The following RPS6KA2 variants were observed in gnomAD, a reference collection of about 807,000 sequenced individuals.
RPS6KA2 encodes the protein ribosomal protein S6 kinase alpha-2.
A neutral mutation model predicts 91.8 loss-of-function variants in RPS6KA2; 42 were observed. That is an observed-to-expected ratio of 0.46 (90% confidence interval 0.36 to 0.59). The LOEUF (loss-of-function observed/expected upper bound fraction) is 0.59. Ranked by LOEUF, RPS6KA2 falls within the 20% of genes least tolerant of loss-of-function variation. The probability of loss-of-function intolerance (pLI) is 0.00; values close to 1 mark genes in which losing one functional copy is unlikely to be tolerated. For synonymous variants in RPS6KA2, 414 were observed against 393.6 expected (o/e 1.05, Z -0.61); for missense variants, 798 against 978.5 (o/e 0.82, Z 2.46).
intron 1 of RPS6KA2, among the ~76,000 whole-genome samples, chr6:166,600,628 C>A (rs1785701243): frequency 1.3e-5 from 2 of 152,172 alleles, no homozygotes; most frequent in Non-Finnish European, 2.9e-5. Context: ...AGTCTAAAAA[C>A]TGGTTGCATA....
rs1786202121 is a variant in RPS6KA2 at position 166,612,113 on chromosome 6, A to T, written c.99+14808T>A. Among the ~76,000 whole-genome samples the T allele has an allele frequency of 6.6e-6, 1 of 151,590 alleles. No homozygotes were observed. The highest frequency in any genetic ancestry group is 2.1e-4 in the South Asian group (1 of 4,806). On this transcript the variant is annotated intron_variant, in intron 1 of 20. Transcript: ENST00000265678. The surrounding 1 kb of genome is among the most constrained non-coding windows in gnomAD (Gnocchi z 4.3). ...AGGCCTGTTTGTTCTTTTTCCTCTT[A>T]TTTTTCCTCCGTCGTCCAACATCAA... is the stretch of plus-strand genomic sequence containing the variant.
At chr6:166,813,663 T>C (rs955392749) in intron 2 of RPS6KA2, among the ~76,000 whole-genome samples, 3 of 152,160 alleles carry the variant, frequency 2.0e-5, no homozygotes, top group Admixed American at 6.5e-5. Flanking sequence ...GGACCCTTGG[T>C]GTATAGATGC....
At chr6:166,840,432 C>T (rs1212310180) in intron 2 of RPS6KA2, among the ~76,000 whole-genome samples, 1 of 152,196 alleles carries the variant, frequency 6.6e-6, no homozygotes, top group Non-Finnish European at 1.5e-5. Context: ...GAAAGTTTGC[C>T]TGGCACAGAC....
intron 2 of RPS6KA2, among the ~76,000 whole-genome samples, chr6:166,654,367 GA>G (rs201016364): frequency 0.011 from 1,602 of 152,302 alleles, 78 homozygotes; most frequent in Admixed American, 0.092. Context: ...CATCGAGCAT[GA>G]AAGGGCACGG....
intron 1 of RPS6KA2, among the ~76,000 whole-genome samples, chr6:166,860,085 G>T (rs1255216632): frequency 1.3e-5 from 2 of 152,046 alleles, no homozygotes; most frequent in African/African-American, 2.4e-5. Context: ...AAACTAGAGA[G>T]GAAATTCAGA....
chr6:166,832,401 A>G (rs1029444359), intron 2 of RPS6KA2, among the ~76,000 whole-genome samples: 1 of 152,310 alleles, frequency 6.6e-6, no homozygotes, highest in Non-Finnish European at 1.5e-5. Flanking sequence ...TCCAGTTTGA[A>G]TCTACTTCTG....
intron 1 of RPS6KA2, among the ~76,000 whole-genome samples, chr6:166,572,300 AGAAT>A (rs1784712980): frequency 6.6e-6 from 1 of 152,270 alleles, no homozygotes; most frequent in African/African-American, 2.4e-5. Flanking sequence ...ATTGAGAAGA[AGAAT>A]GAAACGATTT....
chr6:166,738,604 A>C (rs1790731496), intron 2 of RPS6KA2, among the ~76,000 whole-genome samples: 1 of 152,148 alleles, frequency 6.6e-6, no homozygotes, highest in South Asian at 2.1e-4. Context: ...AGGTTGACTC[A>C]TTTAACTGTC....
intron 2 of RPS6KA2, among the ~76,000 whole-genome samples, chr6:166,695,392 T>C (rs1729446696): frequency 6.6e-6 from 1 of 152,208 alleles, no homozygotes; most frequent in Non-Finnish European, 1.5e-5. Context: ...CACAGAGACG[T>C]ACATGGCCAG....
At chr6:166,862,237 C>A in exon 1 of RPS6KA2, 1 of 1,610,852 alleles carries the variant, frequency 6.2e-7, no homozygotes. Context: ...GAGGCTCGGA[C>A]CGGCACAGGG....
At chr6:166,597,673 T>C (rs1195374451) in intron 1 of RPS6KA2, among the ~76,000 whole-genome samples, 1 of 152,250 alleles carries the variant, frequency 6.6e-6, no homozygotes, top group Non-Finnish European at 1.5e-5. Context: ...ATAGACACTG[T>C]AGGCAAGCCA....
chr6:166,826,595 C>T (rs530790871), intron 2 of RPS6KA2, among the ~76,000 whole-genome samples: 26 of 152,316 alleles, frequency 1.7e-4, no homozygotes, highest in Non-Finnish European at 3.1e-4. Context: ...CAGAAAGATG[C>T]GCTTTTCTAC....
At chr6:166,684,211 C>G (rs1326825119) in intron 2 of RPS6KA2, among the ~76,000 whole-genome samples, 1 of 152,126 alleles carries the variant, frequency 6.6e-6, no homozygotes, top group Non-Finnish European at 1.5e-5. Flanking sequence ...GGGGATGTAC[C>G]CATCAGTGTG....
intron 5 of RPS6KA2, among the ~76,000 whole-genome samples, chr6:166,507,720 C>T (rs1326305971): frequency 1.3e-5 from 2 of 150,576 alleles, no homozygotes; most frequent in South Asian, 4.2e-4. Context: ...CACCATCACA[C>T]ACAGCACACA....
At chr6:166,453,314 T>C (rs777909156) in intron 12 of RPS6KA2, among the ~76,000 whole-genome samples, 3 of 152,010 alleles carry the variant, frequency 2.0e-5, no homozygotes, top group Non-Finnish European at 2.9e-5. Flanking sequence ...TTGCAAACTA[T>C]GCAACTGACA....
At chr6:166,668,880 CTTCCTTTCT>C (rs1788393534) in intron 2 of RPS6KA2, among the ~76,000 whole-genome samples, 1 of 121,492 alleles carries the variant, frequency 8.2e-6, no homozygotes, top group Non-Finnish European at 1.7e-5. Context: ...CTCTTCCTTC[CTTCCTTTCT>C]TTCTTTTCTT....
Position 166,517,666 on chromosome 6 carries a change from G to A in RPS6KA2, c.299-7309C>T, listed in dbSNP as rs557220574. Among the ~76,000 whole-genome samples the A allele has an allele frequency of 2.0e-3, 302 of 150,876 alleles. 2 individuals carry two copies. Among genetic ancestry groups the A allele is most frequent in the African/African-American group, 7.0e-3 (286 of 41,020 alleles). ...AATTTTTTGTATTTTTAGTAGAGAC[G>A]GGGTTTCACCTTGTTAGCCAGGATG... On this transcript the variant is annotated intron_variant, in intron 3 of 20. Transcript: ENST00000265678.
chr6:166,499,062 G>A (rs890080980), intron 7 of RPS6KA2, among the ~76,000 whole-genome samples: 8 of 152,178 alleles, frequency 5.3e-5, no homozygotes. Context: ...TCTGGCTGCC[G>A]GGGAGCCAAG....
At chr6:166,774,358 G>T (rs1444990433) in intron 2 of RPS6KA2, among the ~76,000 whole-genome samples, 1 of 152,238 alleles carries the variant, frequency 6.6e-6, no homozygotes, top group Non-Finnish European at 1.5e-5. Context: ...ATTTCTCAGT[G>T]AAATTAGTGC....
Sources: allele counts gnomAD v4.1 joint callset (sites outside exome capture counted in the v4.1 genomes callset), GRCh38; gene constraint gnomAD v4.1.1; non-coding constraint Gnocchi (gnomAD v3.1); transcripts MANE v1.5; gene names NCBI Gene and HGNC (gene_info 2026-07-23, HGNC 2026-07-21).